Variants in SZRD1 observed in about 807,000 individuals in gnomAD.
The protein encoded by SZRD1 is SUZ RNA binding domain containing 1.
Under a neutral mutation model 17.6 loss-of-function variants are expected in SZRD1, and 7 were observed. The ratio of observed to expected loss-of-function variants is 0.40; its 90% CI spans 0.23 to 0.75. SZRD1 has a LOEUF of 0.75. SZRD1 is among the 30% of genes least tolerant of loss of function. The pLI is 0.38. For synonymous variants in SZRD1, 77 were observed against 77.9 expected, an observed-to-expected ratio of 0.99 and a Z score of 0.06; for missense variants, 178 against 201.8, an observed-to-expected ratio of 0.88 and a Z score of 0.71.
intron 1 of SZRD1, among the ~76,000 whole-genome samples, 191 bp downstream of exon 1, chr1:16,367,499 T>C (rs2082841348): frequency 6.6e-6 from 1 of 152,090 alleles, no homozygotes; most frequent in South Asian, 2.1e-4. Flanking sequence ...TTTCTCTCCT[T>C]TCCTTTGCCT....
chr1:16,383,153 C>G, intron 1 of SZRD1, among the ~76,000 whole-genome samples: 1 of 151,980 alleles, frequency 6.6e-6, no homozygotes, highest in Non-Finnish European at 1.5e-5. Context: ...TTTATATTTT[C>G]TTTTTCTTTT....
At chr1:16,367,329 C>T in intron 1 of SZRD1, 21 bp downstream of exon 1, 2 of 1,546,964 alleles carry the variant, frequency 1.3e-6, no homozygotes, top group Non-Finnish European at 1.7e-6. Flanking sequence ...GCCGCCGTCC[C>T]ATGGCAGGGC....
At chr1:16,379,801 C>T (rs1042944894) in intron 1 of SZRD1, among the ~76,000 whole-genome samples, 2 of 141,554 alleles carry the variant, frequency 1.4e-5, no homozygotes, top group Admixed American at 7.4e-5. Context: ...CGCTCTGTTG[C>T]CCAGGCTGGA....
At chr1:16,383,135 T>G (rs138789883) in intron 1 of SZRD1, among the ~76,000 whole-genome samples, 1 of 151,986 alleles carries the variant, frequency 6.6e-6, no homozygotes, top group Admixed American at 6.6e-5. Flanking sequence ...CAAAGACACA[T>G]GGGTAATTTT....
At position 16,397,826 on chromosome 1, in the gene SZRD1, A is replaced by G; in HGVS notation, c.*2686A>G. On this transcript the variant is annotated 3_prime_UTR_variant, in exon 4 of 4. Transcript: ENST00000401088. This position sits in a 1 kb window ranked among gnomAD's most constrained non-coding sequence, Gnocchi z 5.4. ...TGCCCCGCCCAGCCCTGCCCTGCCCAGCCATACCCTGCTCTGCCCCATCTG... is the reference window on the plus strand; with the variant it reads ...TGCCCCGCCCAGCCCTGCCCTGCCCGGCCATACCCTGCTCTGCCCCATCTG... 1 of 214,260 alleles carries G rather than the reference A, an allele frequency of 4.7e-6. No homozygotes were observed. The highest frequency in any genetic ancestry group is 8.0e-6 in the Non-Finnish European group (1 of 124,750). 13.3% of individuals were successfully genotyped at this position (214,260 alleles called of 1,614,324 possible).
In SZRD1 at chr1:16,391,256, A is replaced by G; in HGVS notation, c.52-119A>G. The G allele has an allele frequency of 1.4e-6, 1 of 739,740 alleles. No homozygotes were observed. Among genetic ancestry groups the G allele is most frequent in the Non-Finnish European group, 2.3e-6 (1 of 441,810 alleles). 45.8% of individuals were successfully genotyped at this position (739,740 alleles called of 1,614,324 possible). Reference sequence around the variant, plus strand: ...AATCTAGTCCACATTTGTTATGTTGAAGGACACAGTCATGTCCCTGGCTAG... The same window carrying G: ...AATCTAGTCCACATTTGTTATGTTGGAGGACACAGTCATGTCCCTGGCTAG... On this transcript the variant is annotated intron_variant, in intron 1 of 3. Transcript: ENST00000401088. The surrounding 1 kb of genome is among the most constrained non-coding windows in gnomAD (Gnocchi z 4.3).
intron 1 of SZRD1, among the ~76,000 whole-genome samples, chr1:16,383,285 A>G (rs2083136686): frequency 6.7e-6 from 1 of 148,646 alleles, no homozygotes; most frequent in Non-Finnish European, 1.5e-5. Context: ...TGGCACAATC[A>G]TAGCTCACTG....
intron 1 of SZRD1, among the ~76,000 whole-genome samples, chr1:16,371,618 C>T (rs1250578868): frequency 1.3e-5 from 2 of 151,718 alleles, no homozygotes; most frequent in African/African-American, 2.4e-5. Flanking sequence ...CCCACCACCA[C>T]GCCTGGCTAA....
At chr1:16,369,538 G>A in intron 1 of SZRD1, 6 of 753,070 alleles carry the variant, frequency 8.0e-6, no homozygotes, top group South Asian at 7.1e-5. Flanking sequence ...CATGGCAGCA[G>A]CGGAGGCAGA....
At chr1:16,379,523 G>A (rs189197821) in intron 1 of SZRD1, among the ~76,000 whole-genome samples, 3 of 152,362 alleles carry the variant, frequency 2.0e-5, no homozygotes, top group Non-Finnish European at 2.9e-5. Flanking sequence ...GAAGATAAGA[G>A]GTGGTAAAGG....
chr1:16,368,061 A>T (rs562147383), intron 1 of SZRD1: 1 of 152,254 alleles, frequency 6.6e-6, no homozygotes, highest in African/African-American at 2.4e-5. Context: ...GAGTGGGGAG[A>T]TGGACCGTTC....
chr1:16,387,149 A>G (rs1243857553), intron 1 of SZRD1: 7 of 379,912 alleles, frequency 1.8e-5, no homozygotes, highest in African/African-American at 6.4e-5. Flanking sequence ...AGCTATTAGT[A>G]TTATATTACA....
In SZRD1 at chr1:16,393,434, T is replaced by C; in HGVS notation, c.308T>C (p.Leu103Pro). 6.2e-7 allele frequency: 1 copy of C among 1,614,020 alleles called. No homozygotes were observed. The highest frequency in any genetic ancestry group is 8.5e-7 in the Non-Finnish European group (1 of 1,179,984). ...TACGCCGAGGCCCGGAAGCGGATCC[T>C]GGGCAGCGCCAGCCCCGAGGAGGAG... is the stretch of plus-strand genomic sequence containing the variant. The part of the protein sequence containing the change: ...AEYAEARKRI[L>P]GSASPEEEQE... Residue 103 changes from leucine to proline, a missense_variant, in exon 3 of 4, where the codon CTG (leucine) becomes CCG (proline). Coordinates refer to ENST00000401088, the MANE Select transcript of SZRD1 (RefSeq NM_001114600.3). The surrounding 1 kb of genome is among the most constrained non-coding windows in gnomAD (Gnocchi z 5.6).
intron 1 of SZRD1, among the ~76,000 whole-genome samples, chr1:16,389,223 A>G (rs2085181301): frequency 7.1e-6 from 1 of 141,350 alleles, no homozygotes; most frequent in Non-Finnish European, 1.5e-5. Context: ...AGCTGGGACT[A>G]CAGGCACCCA....
Position 16,391,536 on chromosome 1 carries a change from T to C in SZRD1, c.101+112T>C. On this transcript the variant is annotated intron_variant, in intron 2 of 3. Coordinates refer to ENST00000401088, the MANE Select transcript of SZRD1 (RefSeq NM_001114600.3). The surrounding 1 kb of genome is among the most constrained non-coding windows in gnomAD (Gnocchi z 4.3). ...ATTAGCAGGTCCTAGCAGGTCAGGC[T>C]CTGGGGCAGCAAACCCTTCCCTCCA... 4 of 912,118 alleles carry C rather than the reference T, an allele frequency of 4.4e-6. No individual in the cohort carries two copies. The highest frequency in any genetic ancestry group is 5.1e-6 in the Non-Finnish European group (3 of 591,122). 56.5% of individuals were successfully genotyped at this position (912,118 alleles called of 1,614,324 possible).
chr1:16,395,349 C>T lies in SZRD1; in HGVS notation c.*209C>T, dbSNP rs1570057685. 2 of 594,908 alleles carry T rather than the reference C, an allele frequency of 3.4e-6. No individual in the cohort carries two copies. The highest frequency in any genetic ancestry group is 1.8e-5 in the South Asian group (1 of 54,258). The allele number at this position is 594,908 out of a possible 1,614,324, so 36.9% of individuals were successfully genotyped here. A position where few individuals can be genotyped will look rare whatever the true frequency, so the allele number is the denominator to read the frequency against. On this transcript the variant is annotated 3_prime_UTR_variant, in exon 4 of 4. Transcript: ENST00000401088. ...TTCTCCCCCTTCCCACTGTGATTGGCACATCGACAAGGGCTGTCCCAAGTC... is the reference window on the plus strand; with the variant it reads ...TTCTCCCCCTTCCCACTGTGATTGGTACATCGACAAGGGCTGTCCCAAGTC...
At chr1:16,369,539 C>A (rs1431130196) in intron 1 of SZRD1, 6 of 750,170 alleles carry the variant, frequency 8.0e-6, no homozygotes, top group South Asian at 7.1e-5. Flanking sequence ...ATGGCAGCAG[C>A]GGAGGCAGAA....
intron 1 of SZRD1, among the ~76,000 whole-genome samples, chr1:16,375,155 C>T (rs145887371): frequency 6.6e-6 from 1 of 152,246 alleles, no homozygotes; most frequent in African/African-American, 2.4e-5. Context: ...GGATTACAAG[C>T]GTGAGCCACC....
intron 1 of SZRD1, chr1:16,387,719 T>G (rs1173317100): frequency 2.2e-6 from 1 of 456,676 alleles, no homozygotes; most frequent in Non-Finnish European, 4.4e-6. Flanking sequence ...ATAGGCAGTC[T>G]TGTATTTAGA....
Sources: gnomAD v4.1 joint callset for allele counts (sites outside exome capture counted in the v4.1 genomes callset) on GRCh38, gnomAD v4.1.1 for gene constraint, Gnocchi (gnomAD v3.1) non-coding constraint, MANE v1.5 for transcripts, NCBI Gene and HGNC (gene_info 2026-07-23, HGNC 2026-07-21) for gene names.